The following SHLD2 variants were observed in gnomAD, a reference collection of about 807,000 sequenced individuals.
SHLD2 encodes the protein RINN1-REV7-interacting novel NHEJ regulator 2.
SHLD2 carries 30 observed loss-of-function variants against 73.2 expected under a neutral mutation model. That is an observed-to-expected ratio of 0.41 (90% confidence interval 0.31 to 0.56). The LOEUF (loss-of-function observed/expected upper bound fraction) is 0.56. Ranked by LOEUF, SHLD2 falls within the 20% of genes least tolerant of loss-of-function variation. The probability of loss-of-function intolerance (pLI) is 0.28; values close to 1 mark genes in which losing one functional copy is unlikely to be tolerated. For missense variants in SHLD2, 745 were observed against 1,055.9 expected (o/e 0.71, Z 4.08); for synonymous variants, 285 against 370.1 (o/e 0.77, Z 2.64).
intron 1 of SHLD2, among the ~76,000 whole-genome samples, chr10:87,095,482 C>G (rs747492796): frequency 1.3e-5 from 2 of 152,054 alleles, no homozygotes; most frequent in Non-Finnish European, 2.9e-5. Context: ...GGCCTCAGGC[C>G]GGGGCCGGGC....
chr10:87,136,100 A>C (rs947402665), intron 2 of SHLD2, among the ~76,000 whole-genome samples: 5 of 151,600 alleles, frequency 3.3e-5, no homozygotes, highest in Non-Finnish European at 7.4e-5. Context: ...TTATCCATTC[A>C]ATTTTTTAAA....
chr10:87,171,086 G>A (rs1847568269), intron 6 of SHLD2, 112 bp downstream of exon 6: 1 of 625,330 alleles, frequency 1.6e-6, no homozygotes, highest in East Asian at 2.8e-5. Context: ...AAATACAAGT[G>A]ATCATGATTG....
In SHLD2 at chr10:87,151,406, C is replaced by T. The variant is rs149664987; in HGVS notation, c.52C>T (p.Leu18=). 1.6e-5 allele frequency: 25 copies of T among 1,596,310 alleles called. 1 individual carries two copies. The highest frequency in any genetic ancestry group is 4.1e-5 in the African/African-American group (3 of 73,822). ...TTTTTGGGGTGCTCCAATTGCTCCA[C>T]TGAAAATCACAGTATCAGAAGACAC... ...HIFWGAPIAP[L]KITVSEDTAS... Residue 18 remains leucine, a synonymous_variant, in exon 3 of 10, where the codon CTG becomes TTG. Transcript: ENST00000298786.
At chr10:87,188,407 A>G (rs1848766898) in intron 9 of SHLD2, among the ~76,000 whole-genome samples, 1 of 151,966 alleles carries the variant, frequency 6.6e-6, no homozygotes, top group African/African-American at 2.4e-5. Context: ...CTGGGGCAAC[A>G]GGATTTGGTG....
At chr10:87,131,255 T>C (rs1844407895) in intron 2 of SHLD2, among the ~76,000 whole-genome samples, 1 of 151,946 alleles carries the variant, frequency 6.6e-6, no homozygotes, top group Non-Finnish European at 1.5e-5. Flanking sequence ...AAGTATACAG[T>C]TCAGTGACAT....
intron 6 of SHLD2, among the ~76,000 whole-genome samples, chr10:87,174,945 C>T (rs1157192343): frequency 6.6e-6 from 1 of 151,916 alleles, no homozygotes; most frequent in South Asian, 2.1e-4. Context: ...GAAACCCCGT[C>T]TCTACTAAAA....
chr10:87,187,507 T>C lies in SHLD2; in HGVS notation c.2515+307T>C, dbSNP rs138322613. 5.5e-3 allele frequency among the ~76,000 whole-genome samples: 845 copies of C among 152,330 alleles called. 11 individuals carry two copies. The highest frequency in any genetic ancestry group is 0.02 in the African/African-American group (815 of 41,554). ...AAGTCAATGAGTGTGTGACATAATA[T>C]ATATGAAGATAGTCCACTGTCAGTG... On this transcript the variant is annotated intron_variant, in intron 9 of 9. Coordinates refer to ENST00000298786, the MANE Select transcript of SHLD2 (RefSeq NM_001330112.2).
intron 4 of SHLD2, among the ~76,000 whole-genome samples, chr10:87,169,692 G>T (rs1362095775): frequency 6.6e-6 from 1 of 150,436 alleles, no homozygotes; most frequent in Non-Finnish European, 1.5e-5. Context: ...AATTTAATCA[G>T]CAAAACTCAT....
chr10:87,158,269 G>A (rs889639223), intron 4 of SHLD2, 114 bp downstream of exon 4: 7 of 1,065,100 alleles, frequency 6.6e-6, no homozygotes, highest in African/African-American at 3.2e-5. Flanking sequence ...CAGTTGGAGA[G>A]TATTGGTTTC....
chr10:87,114,409 T>G (rs1163428283), intron 2 of SHLD2: 2 of 152,144 alleles, frequency 1.3e-5, no homozygotes, highest in Non-Finnish European at 1.5e-5. Flanking sequence ...AGGGACAAGG[T>G]GACATTGGTG....
chr10:87,097,119 C>G (rs989893175), intron 2 of SHLD2, 130 bp downstream of exon 2: 3 of 152,118 alleles, frequency 2.0e-5, no homozygotes, highest in African/African-American at 7.2e-5. Flanking sequence ...AAATATTTTT[C>G]TTTTTGGATT....
intron 2 of SHLD2, among the ~76,000 whole-genome samples, chr10:87,121,875 C>T (rs1843652923): frequency 6.6e-6 from 1 of 151,224 alleles, no homozygotes; most frequent in Admixed American, 6.6e-5. Flanking sequence ...AGCGATTCTT[C>T]CACCTCAGCC....
intron 2 of SHLD2, among the ~76,000 whole-genome samples, chr10:87,127,539 A>AC (rs1491051616): frequency 1.9e-4 from 7 of 36,112 alleles, no homozygotes; most frequent in Admixed American, 1.3e-3. Context: ...GCCCCCCCCC[A>AC]CCCCGTCTGC....
At chr10:87,139,042 C>G (rs867831236) in intron 2 of SHLD2, among the ~76,000 whole-genome samples, 1 of 152,240 alleles carries the variant, frequency 6.6e-6, no homozygotes, top group African/African-American at 2.4e-5. Context: ...TGATTGGACA[C>G]TCATCTGCAC....
chr10:87,180,867 C>T (rs563045142), intron 8 of SHLD2, among the ~76,000 whole-genome samples: 136 of 152,260 alleles, frequency 8.9e-4, no homozygotes, highest in African/African-American at 3.0e-3. Context: ...AAATAGCACT[C>T]AGTGTTTTAT....
In SHLD2 at chr10:87,187,839, G is replaced by A. The variant is rs1055356013; in HGVS notation, c.2515+639G>A. ...GTACCTGGAAACAGGCATGCCTCTC[G>A]GTCCTTTACTGGAGGTGAGGGGTGA... is the stretch of plus-strand genomic sequence containing the variant. On this transcript the variant is annotated intron_variant, in intron 9 of 9. Transcript: ENST00000298786. Among the ~76,000 whole-genome samples the A allele has an allele frequency of 2.6e-5, 4 of 152,184 alleles. No homozygotes were observed. The East Asian group carries it at 5.8e-4, about 22-fold the overall frequency.
At chr10:87,171,786 C>G (rs1017585258) in intron 6 of SHLD2, among the ~76,000 whole-genome samples, 3 of 152,134 alleles carry the variant, frequency 2.0e-5, no homozygotes, top group Non-Finnish European at 4.4e-5. Context: ...ATAGCTATGA[C>G]TAGGATTTGA....
intron 2 of SHLD2, among the ~76,000 whole-genome samples, chr10:87,148,671 A>G (rs535148678): frequency 5.9e-5 from 9 of 152,070 alleles, no homozygotes; most frequent in African/African-American, 1.9e-4. Flanking sequence ...TGAGCCCAGC[A>G]GCTTGAGGCT....
chr10:87,174,954 A>G (rs967779107), intron 6 of SHLD2, among the ~76,000 whole-genome samples: 1 of 151,864 alleles, frequency 6.6e-6, no homozygotes, highest in Non-Finnish European at 1.5e-5. Flanking sequence ...TCTCTACTAA[A>G]AATGCAAAAA....
Sources: gnomAD v4.1 joint callset for allele counts (sites outside exome capture counted in the v4.1 genomes callset) on GRCh38, gnomAD v4.1.1 for gene constraint, MANE v1.5 for transcripts, NCBI Gene and HGNC (gene_info 2026-07-23, HGNC 2026-07-21) for gene names.